SGPP2: variants seen among roughly 807,000 people sequenced by gnomAD.
SGPP2 encodes sphingosine-1-phosphate phosphatase 2, also known as sphingosine 1-phosphate phosphohydrolase 2.
A neutral mutation model predicts 33.9 loss-of-function variants in SGPP2; 30 were observed. The observed-to-expected ratio is 0.89, with a 90% CI of 0.66 to 1.20. The LOEUF is 1.20. Ranked by LOEUF, SGPP2 falls within the 50% of genes most tolerant of loss-of-function variation. The pLI is 0.00. For missense variants in SGPP2, 458 were observed against 532.1 expected (o/e 0.86, Z 1.37); for synonymous variants, 233 against 225.0 (o/e 1.04, Z -0.32).
chr2:222,559,359 G>A lies in SGPP2; in HGVS notation c.*461G>A, dbSNP rs1041183807. 2 of 163,434 alleles carry A rather than the reference G, an allele frequency of 1.2e-5. No homozygotes were observed. The highest frequency in any genetic ancestry group is 5.7e-5 in the Admixed American group (1 of 17,682). The allele number at this position is 163,434 out of a possible 1,614,324, so 10.1% of individuals were successfully genotyped here. ...TTCCGTTACAACCTTGCCTAGCATG[G>A]AGTTATTTCTAAAATGGGAACTTTG... On this transcript the variant is annotated 3_prime_UTR_variant, in exon 5 of 5. Coordinates refer to ENST00000321276, the MANE Select transcript of SGPP2 (RefSeq NM_152386.4).
chr2:222,523,863 T>G (rs1559169354), intron 3 of SGPP2, among the ~76,000 whole-genome samples: 1 of 152,102 alleles, frequency 6.6e-6, no homozygotes. Context: ...TCTGAACACT[T>G]TTAAATTAAA....
intron 4 of SGPP2, among the ~76,000 whole-genome samples, chr2:222,552,353 C>A (rs186448172): frequency 1.1e-4 from 17 of 152,228 alleles, no homozygotes; most frequent in Admixed American, 5.2e-4. Flanking sequence ...TCCTGTTCAC[C>A]GAATCCAAGC....
intron 4 of SGPP2, among the ~76,000 whole-genome samples, chr2:222,558,072 G>A (rs1427635868): frequency 6.6e-6 from 1 of 152,152 alleles, no homozygotes; most frequent in East Asian, 1.9e-4. Flanking sequence ...TGAGATTACA[G>A]TTATTCATTA....
At chr2:222,554,961 A>G (rs1689362702) in intron 4 of SGPP2, among the ~76,000 whole-genome samples, 1 of 152,210 alleles carries the variant, frequency 6.6e-6, no homozygotes, top group Non-Finnish European at 1.5e-5. Flanking sequence ...GATAAAGAAC[A>G]GTTGCATCAT....
At chr2:222,529,030 A>G (rs1016882080) in intron 4 of SGPP2, among the ~76,000 whole-genome samples, 1 of 152,198 alleles carries the variant, frequency 6.6e-6, no homozygotes, top group Non-Finnish European at 1.5e-5. Context: ...CCCTTTACAT[A>G]TGCCAAATCA....
chr2:222,445,438 G>C (rs753808465), intron 1 of SGPP2, among the ~76,000 whole-genome samples: 3 of 152,122 alleles, frequency 2.0e-5, no homozygotes, highest in Non-Finnish European at 4.4e-5. Context: ...GCTCCCTCTT[G>C]TCCCACACCT....
intron 4 of SGPP2, among the ~76,000 whole-genome samples, chr2:222,537,969 T>A (rs1698938660): frequency 6.6e-6 from 1 of 152,218 alleles, no homozygotes; most frequent in South Asian, 2.1e-4. Context: ...CTATGGTACA[T>A]CCATTCAATG....
Position 222,443,110 on chromosome 2 carries a change from C to G in SGPP2, c.219+18289C>G, listed in dbSNP as rs1029130104. On this transcript the variant is annotated intron_variant, in intron 1 of 4. Transcript: ENST00000321276. ...GACAATCTTAAAATTGGAAATGTTA[C>G]CAGAATGGCCATTGTCTGGTGAAGT... Among the ~76,000 whole-genome samples the G allele has an allele frequency of 1.2e-4, 18 of 152,276 alleles. No individual in the cohort carries two copies. The East Asian group carries it at 3.1e-3, about 26-fold the overall frequency.
At chr2:222,543,821 A>G (rs1158817659) in intron 4 of SGPP2, among the ~76,000 whole-genome samples, 1 of 152,196 alleles carries the variant, frequency 6.6e-6, no homozygotes, top group Non-Finnish European at 1.5e-5. Flanking sequence ...TATCTTCACT[A>G]TTCTTGTATT....
At chr2:222,554,181 C>T (rs1480062682) in intron 4 of SGPP2, among the ~76,000 whole-genome samples, 1 of 152,252 alleles carries the variant, frequency 6.6e-6, no homozygotes, top group Non-Finnish European at 1.5e-5. Context: ...TTGTACCCAG[C>T]CATCCAAGTA....
intron 2 of SGPP2, among the ~76,000 whole-genome samples, chr2:222,519,730 A>G (rs1210597397): frequency 3.3e-5 from 5 of 152,248 alleles, no homozygotes; most frequent in South Asian, 2.1e-4. Flanking sequence ...TGTGCGCTCA[A>G]TGTTTAGCTC....
chr2:222,525,778 C>G (rs1698749396), intron 4 of SGPP2, among the ~76,000 whole-genome samples: 1 of 152,148 alleles, frequency 6.6e-6, no homozygotes, highest in South Asian at 2.1e-4. Flanking sequence ...GTGTGTTTAT[C>G]TCAATTCTGA....
intron 2 of SGPP2, among the ~76,000 whole-genome samples, chr2:222,489,630 A>T (rs919862117): frequency 6.6e-6 from 1 of 152,134 alleles, no homozygotes; most frequent in African/African-American, 2.4e-5. Flanking sequence ...CCTACAGGGC[A>T]GTCAAAAGGG....
intron 4 of SGPP2, among the ~76,000 whole-genome samples, chr2:222,558,021 T>C: frequency 6.6e-6 from 1 of 152,198 alleles, no homozygotes; most frequent in Middle Eastern, 3.2e-3. Context: ...ATTTGTGATA[T>C]AAGTGTCGAA....
intron 2 of SGPP2, among the ~76,000 whole-genome samples, chr2:222,514,109 G>A (rs1698569578): frequency 6.6e-6 from 1 of 152,050 alleles, no homozygotes; most frequent in African/African-American, 2.4e-5. Flanking sequence ...TTTAAATAAT[G>A]TGCTTTATAA....
At chr2:222,524,125 G>A (rs150244361) in intron 3 of SGPP2, among the ~76,000 whole-genome samples, 234 of 152,268 alleles carry the variant, frequency 1.5e-3, no homozygotes, top group African/African-American at 4.7e-3. Context: ...TATTAATAAC[G>A]TCATTTATTA....
At chr2:222,514,677 C>T (rs1468226341) in intron 2 of SGPP2, among the ~76,000 whole-genome samples, 1 of 152,184 alleles carries the variant, frequency 6.6e-6, no homozygotes, top group Admixed American at 6.5e-5. Flanking sequence ...TTTTCATCTA[C>T]ATGAATGTCT....
Position 222,557,167 on chromosome 2 carries a change from G to A in SGPP2, c.649-1180G>A, listed in dbSNP as rs980308577. Among the ~76,000 whole-genome samples, 4 of 152,222 alleles carry A rather than the reference G, an allele frequency of 2.6e-5. No individual in the cohort carries two copies. The East Asian group carries it at 5.8e-4, about 22-fold the overall frequency. ...CTCTCCAGCCCCCAGGGACCATCAA[G>A]ATCCCTCACTGGCCTCTTTCCCTCT... On this transcript the variant is annotated intron_variant, in intron 4 of 4. Coordinates refer to ENST00000321276, the MANE Select transcript of SGPP2 (RefSeq NM_152386.4).
At chr2:222,520,762 C>T (rs1203928012) in intron 2 of SGPP2, among the ~76,000 whole-genome samples, 1 of 149,780 alleles carries the variant, frequency 6.7e-6, no homozygotes, top group Non-Finnish European at 1.5e-5. Flanking sequence ...ATATCGAGCC[C>T]TTTTTTTTTG....
Sources: gnomAD v4.1 joint callset for allele counts (sites outside exome capture counted in the v4.1 genomes callset) on GRCh38, gnomAD v4.1.1 for gene constraint, MANE v1.5 for transcripts, NCBI Gene and HGNC (gene_info 2026-07-23, HGNC 2026-07-21) for gene names.